The following CDK14 variants were observed in gnomAD, a reference collection of about 807,000 sequenced individuals.
CDK14 encodes cyclin-dependent kinase 14.
Under a neutral mutation model 60.7 loss-of-function variants are expected in CDK14, and 34 were observed. The observed-to-expected ratio is 0.56, with a 90% confidence interval of 0.43 to 0.75. The LOEUF is 0.75. CDK14 is among the 30% of genes least tolerant of loss of function. The pLI is 0.00. For synonymous variants in CDK14, 197 were observed against 203.7 expected (o/e 0.97, Z 0.28); for missense variants, 482 against 564.1 (o/e 0.85, Z 1.47).
At chr7:90,634,503 G>A (rs1461705435) in intron 2 of CDK14, among the ~76,000 whole-genome samples, 1 of 151,650 alleles carries the variant, frequency 6.6e-6, no homozygotes, top group Non-Finnish European at 1.5e-5. Flanking sequence ...TGGTGTATAT[G>A]TGCCACATTT....
chr7:91,155,193 C>T (rs995115165), intron 14 of CDK14, among the ~76,000 whole-genome samples: 1 of 152,072 alleles, frequency 6.6e-6, no homozygotes, highest in South Asian at 2.1e-4. Context: ...GGAAGGAAGA[C>T]CAGCTAGCCA....
chr7:91,163,014 A>G, intron 14 of CDK14, among the ~76,000 whole-genome samples: 1 of 152,172 alleles, frequency 6.6e-6, no homozygotes, highest in East Asian at 1.9e-4. Context: ...CTCAGTTACC[A>G]TCCCTGTCTT....
At chr7:91,139,977 C>A (rs1800406729) in intron 14 of CDK14, among the ~76,000 whole-genome samples, 1 of 152,010 alleles carries the variant, frequency 6.6e-6, no homozygotes, top group Non-Finnish European at 1.5e-5. Context: ...AGCACACAAC[C>A]AGGACAACAC....
intron 14 of CDK14, among the ~76,000 whole-genome samples, chr7:91,203,188 G>A (rs1490643320): frequency 6.6e-6 from 1 of 152,176 alleles, no homozygotes; most frequent in Non-Finnish European, 1.5e-5. Context: ...CCTCAGGCTG[G>A]TGGTGTATCT....
chr7:90,636,681 G>T (rs372739284), intron 2 of CDK14, among the ~76,000 whole-genome samples: 1 of 151,908 alleles, frequency 6.6e-6, no homozygotes, highest in Non-Finnish European at 1.5e-5. Flanking sequence ...CTCTTTTTCT[G>T]TTGATTGGAA....
chr7:90,700,883 C>G (rs1388032325), intron 2 of CDK14, among the ~76,000 whole-genome samples: 1 of 152,130 alleles, frequency 6.6e-6, no homozygotes, highest in Non-Finnish European at 1.5e-5. Context: ...GCAGTTGTGT[C>G]TCGTTCATCT....
At chr7:90,869,937 T>A (rs1034515040) in intron 6 of CDK14, among the ~76,000 whole-genome samples, 1 of 152,226 alleles carries the variant, frequency 6.6e-6, no homozygotes, top group Non-Finnish European at 1.5e-5. Context: ...TTATCATTGC[T>A]TCTTTGGACT....
intron 5 of CDK14, among the ~76,000 whole-genome samples, chr7:90,862,050 A>C (rs1473630263): frequency 6.6e-6 from 1 of 152,212 alleles, no homozygotes; most frequent in Non-Finnish European, 1.5e-5. Context: ...AAATGGACAA[A>C]AAATAAAATG....
At chr7:90,807,246 C>T (rs1788887181) in intron 5 of CDK14, among the ~76,000 whole-genome samples, 2 of 152,146 alleles carry the variant, frequency 1.3e-5, no homozygotes, top group Admixed American at 6.5e-5. Flanking sequence ...CCTCACATGG[C>T]CAGTTACTCC....
intron 10 of CDK14, among the ~76,000 whole-genome samples, chr7:91,020,657 G>A (rs902252553): frequency 6.6e-6 from 1 of 152,202 alleles, no homozygotes; most frequent in African/African-American, 2.4e-5. Flanking sequence ...TGACCACTGG[G>A]ATTTGAATCC....
At chr7:91,084,710 C>G (rs2116242516) in intron 12 of CDK14, among the ~76,000 whole-genome samples, 1 of 152,296 alleles carries the variant, frequency 6.6e-6, no homozygotes, top group Non-Finnish European at 1.5e-5. Flanking sequence ...TTTTTTGATC[C>G]CCTTCTGATA....
At chr7:91,130,653 A>G (rs1410485683) in intron 14 of CDK14, among the ~76,000 whole-genome samples, 1 of 152,182 alleles carries the variant, frequency 6.6e-6, no homozygotes, top group Non-Finnish European at 1.5e-5. Flanking sequence ...CTAGTGTACA[A>G]TAGATAAAAA....
At chr7:90,716,880 C>CAAAT (rs1330238247) in intron 2 of CDK14, among the ~76,000 whole-genome samples, 1 of 151,972 alleles carries the variant, frequency 6.6e-6, no homozygotes, top group Non-Finnish European at 1.5e-5. Flanking sequence ...CACCATGTCT[C>CAAAT]AAATTTCAAG....
In CDK14 at chr7:90,860,268, A is replaced by G. The variant is rs115798207; in HGVS notation, c.545-2907A>G. Reference sequence around the variant, plus strand: ...TCTTTCACAGTTCTTTTATTCTTACACAGAGTTAGAAAGATGTAAGACTAA... The same window carrying G: ...TCTTTCACAGTTCTTTTATTCTTACGCAGAGTTAGAAAGATGTAAGACTAA... On this transcript the variant is annotated intron_variant, in intron 5 of 14. Transcript: ENST00000380050. Among the ~76,000 whole-genome samples the G allele has an allele frequency of 7.5e-3, 1,141 of 151,922 alleles. 21 individuals carry two copies. Among genetic ancestry groups the G allele is most frequent in the African/African-American group, 0.027 (1,103 of 41,416 alleles).
At chr7:90,927,147 T>C (rs1793442306) in intron 8 of CDK14, among the ~76,000 whole-genome samples, 1 of 152,118 alleles carries the variant, frequency 6.6e-6, no homozygotes, top group Non-Finnish European at 1.5e-5. Context: ...GATTAAATAA[T>C]TGGCCAGTGG....
rs1794391639 is a variant in CDK14, at chr7:90,955,772, A to G, written c.902A>G (p.Asp301Gly). 6.2e-7 allele frequency: 1 copy of G among 1,613,362 alleles called. No individual in the cohort carries two copies. The highest frequency in any genetic ancestry group is 8.5e-7 in the Non-Finnish European group (1 of 1,179,490). The change falls in exon 9 of 15, where the codon GAT becomes GGT. Residue 301 changes from aspartate (D) to glycine (G), a missense_variant. Coordinates refer to ENST00000380050, the MANE Select transcript of CDK14 (RefSeq NM_001287135.2). ...EVVTLWYRPPDVLLGSTEYST... is the reference protein window; with the variant it reads ...EVVTLWYRPPGVLLGSTEYST... ...GTTACCTTGTGGTACAGACCTCCAG[A>G]TGTCCTTCTAGGCTCAACAGAATAT...
rs1447977655 is a variant in CDK14, at chr7:91,208,596, G to A, written c.*1460G>A. ...AGTCAGAAAGAAGGAGAGAATGAGT[G>A]AGTGCTTGAAATGTGTCATACTGTT... On this transcript the variant is annotated 3_prime_UTR_variant, in exon 15 of 15. Transcript: ENST00000380050. 6.6e-6 allele frequency: 1 copy of A among 152,268 alleles called. No homozygotes were observed. The highest frequency in any genetic ancestry group is 1.5e-5 in the Non-Finnish European group (1 of 68,060). 9.4% of individuals were successfully genotyped at this position (152,268 alleles called of 1,614,324 possible). A position where few individuals can be genotyped will look rare whatever the true frequency, so the allele number is the denominator to read the frequency against.
chr7:91,177,945 A>C (rs1302826704), intron 14 of CDK14, among the ~76,000 whole-genome samples: 3 of 143,198 alleles, frequency 2.1e-5, no homozygotes, highest in Admixed American at 1.4e-4. Flanking sequence ...TTCTTCACAG[A>C]ATTGGAAAAA....
At chr7:90,910,769 T>G (rs146185731) in intron 7 of CDK14, among the ~76,000 whole-genome samples, 49 of 152,278 alleles carry the variant, frequency 3.2e-4, no homozygotes, top group Non-Finnish European at 5.7e-4. Context: ...ACTTAATTCC[T>G]CTTTTTTTAA....
Sources: allele counts gnomAD v4.1 joint callset (sites outside exome capture counted in the v4.1 genomes callset), GRCh38; gene constraint gnomAD v4.1.1; transcripts MANE v1.5; gene names NCBI Gene and HGNC (gene_info 2026-07-23, HGNC 2026-07-21).